NKAIN3: variants seen among roughly 807,000 people sequenced by gnomAD.
NKAIN3 encodes sodium/potassium-transporting ATPase subunit beta-1-interacting protein 3.
In NKAIN3, 25 loss-of-function variants were observed where a neutral mutation model predicts 30.2. The ratio of observed to expected loss-of-function variants is 0.83; its 90% CI spans 0.60 to 1.16. NKAIN3 has a LOEUF of 1.16. NKAIN3 is among the 50% of genes most tolerant of loss of function. The pLI is 0.00. For missense variants in NKAIN3, 225 were observed against 254.1 expected (o/e 0.89, Z 0.78); for synonymous variants, 91 against 89.6 (o/e 1.02, Z -0.09).
intron 4 of NKAIN3, among the ~76,000 whole-genome samples, chr8:62,893,540 A>C (rs4329266): frequency 0.19 from 28,407 of 152,234 alleles, 3,514 homozygotes; most frequent in East Asian, 0.54. Flanking sequence ...CTGGACATAG[A>C]CTAAGGACAC....
At chr8:62,663,423 A>G (rs1813003072) in intron 3 of NKAIN3, among the ~76,000 whole-genome samples, 1 of 152,220 alleles carries the variant, frequency 6.6e-6, no homozygotes, top group Non-Finnish European at 1.5e-5. Context: ...GTCAGGCATA[A>G]GAGACAGCAG....
intron 1 of NKAIN3, among the ~76,000 whole-genome samples, chr8:62,484,682 T>C (rs1350392064): frequency 6.6e-6 from 1 of 152,222 alleles, no homozygotes; most frequent in Non-Finnish European, 1.5e-5. Flanking sequence ...TAAGCAGAAA[T>C]CTATTCCTTT....
chr8:62,425,791 A>G (rs142342540), intron 1 of NKAIN3, among the ~76,000 whole-genome samples: 195 of 152,098 alleles, frequency 1.3e-3, no homozygotes, highest in African/African-American at 4.5e-3. Context: ...TTGACATTCA[A>G]TGTGACCTTT....
intron 4 of NKAIN3, among the ~76,000 whole-genome samples, chr8:62,787,882 G>C (rs965173414): frequency 2.0e-5 from 3 of 152,074 alleles, no homozygotes; most frequent in Non-Finnish European, 4.4e-5. Flanking sequence ...TGGCTGCCTA[G>C]TATTCCATGG....
chr8:62,589,675 T>C lies in NKAIN3; in HGVS notation c.193-39T>C, dbSNP rs373253501. 7 of 919,094 alleles carry C rather than the reference T, an allele frequency of 7.6e-6. No individual in the cohort carries two copies. In the African/African-American group the frequency reaches 1.2e-4, roughly 15 times the overall value. The allele number at this position is 919,094 out of a possible 1,614,324, so 56.9% of individuals were successfully genotyped here. On this transcript the variant is annotated intron_variant, in intron 2 of 6. Transcript: ENST00000623646. ...TTGATATACATGCCTTTCATCTCCA[T>C]ATTTTTCTTCTCTTTCTCCCTCCCC...
At chr8:62,998,222 A>C (rs1240459286) in intron 5 of NKAIN3, among the ~76,000 whole-genome samples, 2 of 152,178 alleles carry the variant, frequency 1.3e-5, no homozygotes, top group Non-Finnish European at 2.9e-5. Flanking sequence ...AAATGAGTGC[A>C]TAAAGCAAAA....
intron 1 of NKAIN3, among the ~76,000 whole-genome samples, chr8:62,317,117 G>T (rs1306864591): frequency 1.3e-5 from 2 of 151,944 alleles, no homozygotes; most frequent in South Asian, 4.2e-4. Flanking sequence ...ACTTTTTGAT[G>T]GGTTGTTTGT....
At chr8:62,912,294 T>C (rs1446201760) in intron 4 of NKAIN3, among the ~76,000 whole-genome samples, 1 of 152,112 alleles carries the variant, frequency 6.6e-6, no homozygotes, top group South Asian at 2.1e-4. Flanking sequence ...TTGCTCTCGG[T>C]AAGTTGGTGA....
At chr8:62,497,702 G>A (rs907970284) in intron 1 of NKAIN3, among the ~76,000 whole-genome samples, 1 of 152,086 alleles carries the variant, frequency 6.6e-6, no homozygotes, top group African/African-American at 2.4e-5. Context: ...AGTATGCTGA[G>A]TGCCAAATTT....
intron 3 of NKAIN3, among the ~76,000 whole-genome samples, chr8:62,635,176 A>C (rs186544632): frequency 2.0e-5 from 3 of 152,238 alleles, no homozygotes; most frequent in Admixed American, 2.0e-4. Flanking sequence ...TCAAAGATCA[A>C]ATAAACCAGG....
In NKAIN3 at chr8:62,742,128, T is replaced by TTA. The variant is rs35456394; in HGVS notation, c.274-4787_274-4786dup. Among the ~76,000 whole-genome samples, 686 of 149,474 alleles carry TTA rather than the reference T, an allele frequency of 4.6e-3. 4 individuals carry two copies. Among genetic ancestry groups the TTA allele is most frequent in the African/African-American group, 0.013 (525 of 40,786 alleles). ...GCAGAATTTTATTAACATGTATATC[T>TTA]TATATATATATATATATAGGTGATA... On this transcript the variant is annotated intron_variant, in intron 3 of 6. Coordinates refer to ENST00000623646, the MANE Select transcript of NKAIN3 (RefSeq NM_001304533.3).
chr8:62,562,233 C>T (rs75618415), intron 1 of NKAIN3, among the ~76,000 whole-genome samples: 2,753 of 152,176 alleles, frequency 0.018, 76 homozygotes, highest in African/African-American at 0.062. Flanking sequence ...CTTCAAGAAA[C>T]ATTCCAATGT....
chr8:62,584,779 A>G (rs1438553295), intron 2 of NKAIN3, among the ~76,000 whole-genome samples: 1 of 152,224 alleles, frequency 6.6e-6, no homozygotes, highest in African/African-American at 2.4e-5. Context: ...AAGGGAAAGT[A>G]TCTCTTCCCT....
chr8:62,302,771 A>T (rs1311798925), intron 1 of NKAIN3, among the ~76,000 whole-genome samples: 2 of 152,124 alleles, frequency 1.3e-5, no homozygotes, highest in African/African-American at 4.8e-5. Context: ...AAACAAAAGC[A>T]TAAGGGAAAA....
intron 4 of NKAIN3, among the ~76,000 whole-genome samples, chr8:62,777,016 T>C (rs1443239252): frequency 6.6e-6 from 1 of 152,202 alleles, no homozygotes; most frequent in Non-Finnish European, 1.5e-5. Flanking sequence ...ACTTTAAATA[T>C]GTCATGCCGC....
At chr8:62,906,095 G>A (rs1387100712) in intron 4 of NKAIN3, among the ~76,000 whole-genome samples, 2 of 152,146 alleles carry the variant, frequency 1.3e-5, no homozygotes, top group African/African-American at 2.4e-5. Context: ...ACAAGTGTGC[G>A]AGCATCCATC....
In NKAIN3 at chr8:62,348,229, A is replaced by C. The variant is rs147667771; in HGVS notation, c.54+99102A>C. On this transcript the variant is annotated intron_variant, in intron 1 of 6. Transcript: ENST00000623646. ...ATACTTGGAAAAGAATATAGTGATC[A>C]CTAGAAAGCCTCATGAGTTCACTAA... Among the ~76,000 whole-genome samples, 193 of 152,304 alleles carry C rather than the reference A, an allele frequency of 1.3e-3. 1 individual carries two copies. The highest frequency in any genetic ancestry group is 4.5e-3 in the African/African-American group (186 of 41,582).
At chr8:62,452,263 G>A (rs1805664125) in intron 1 of NKAIN3, among the ~76,000 whole-genome samples, 1 of 152,096 alleles carries the variant, frequency 6.6e-6, no homozygotes, top group African/African-American at 2.4e-5. Flanking sequence ...ATCACCTGAG[G>A]TCAGGAGTTT....
intron 1 of NKAIN3, among the ~76,000 whole-genome samples, chr8:62,335,266 A>C (rs1368769598): frequency 1.3e-5 from 2 of 151,994 alleles, no homozygotes; most frequent in East Asian, 3.9e-4. Context: ...TCTTTATTAA[A>C]AATACAAAAA....
Sources: gnomAD v4.1 joint callset for allele counts (sites outside exome capture counted in the v4.1 genomes callset) on GRCh38, gnomAD v4.1.1 for gene constraint, MANE v1.5 for transcripts, NCBI Gene and HGNC (gene_info 2026-07-23, HGNC 2026-07-21) for gene names.